Variants in COL4A4 observed in about 807,000 individuals in gnomAD.
COL4A4 encodes collagen alpha-4(IV) chain.
Under a neutral mutation model 192.9 loss-of-function variants are expected in COL4A4, and 105 were observed. That is an observed-to-expected ratio of 0.54 (90% CI 0.46 to 0.64). COL4A4 has a LOEUF of 0.64. Ranked by LOEUF, COL4A4 falls within the 30% of genes least tolerant of loss-of-function variation. COL4A4 has a pLI of 0.00. For synonymous variants in COL4A4, 762 were observed against 769.9 expected (o/e 0.99, Z 0.17); for missense variants, 1,967 against 2,169.3 (o/e 0.91, Z 1.85).
chr2:227,147,086 T>A (rs565779853), intron 2 of COL4A4, among the ~76,000 whole-genome samples: 1 of 152,208 alleles, frequency 6.6e-6, no homozygotes, highest in African/African-American at 2.4e-5. Flanking sequence ...TGTGAAGTAG[T>A]CTGTCCTAAC....
At chr2:227,019,744 T>G (rs550793985) in intron 44 of COL4A4, among the ~76,000 whole-genome samples, 9 of 152,370 alleles carry the variant, frequency 5.9e-5, no homozygotes, top group African/African-American at 2.2e-4. Flanking sequence ...CTCAGCTCAC[T>G]GCAACCTCTG....
At chr2:227,149,945 G>A (rs1400403870) in intron 1 of COL4A4, among the ~76,000 whole-genome samples, 2 of 152,162 alleles carry the variant, frequency 1.3e-5, no homozygotes, top group African/African-American at 4.8e-5. Flanking sequence ...ACCATGAAAG[G>A]ACACTGGGAG....
intron 4 of COL4A4, among the ~76,000 whole-genome samples, chr2:227,137,558 A>G (rs1172752816): frequency 2.6e-5 from 4 of 152,216 alleles, no homozygotes; most frequent in Non-Finnish European, 5.9e-5. Context: ...ATCTTGGCAC[A>G]GTTGGCATTT....
intron 7 of COL4A4, among the ~76,000 whole-genome samples, chr2:227,116,160 A>G (rs1445859247): frequency 6.6e-6 from 1 of 152,018 alleles, no homozygotes; most frequent in African/African-American, 2.4e-5. Context: ...AAACGTAACA[A>G]TGTATTGGAA....
intron 21 of COL4A4, 111 bp from the exon 22 acceptor site, chr2:227,088,927 C>G: frequency 7.8e-7 from 1 of 1,276,142 alleles, no homozygotes; most frequent in Admixed American, 1.8e-5. Flanking sequence ...GTCCGATATG[C>G]ACTTCTTGCA....
At chr2:227,094,649 A>G (rs77094277) in intron 19 of COL4A4, among the ~76,000 whole-genome samples, 9,467 of 152,252 alleles carry the variant, frequency 0.062, 448 homozygotes, top group African/African-American at 0.13. Context: ...GATAGTTAAC[A>G]ATACTATATC....
chr2:227,027,540 G>A (rs7607211), intron 42 of COL4A4, among the ~76,000 whole-genome samples: 3 of 150,082 alleles, frequency 2.0e-5, no homozygotes, highest in Non-Finnish European at 4.4e-5. Flanking sequence ...TGTAAATGAC[G>A]AGTTAATGGG....
In COL4A4 at chr2:227,093,427, A is replaced by T. The variant is rs898636856; in HGVS notation, c.1369+698T>A. ...ATCTCCCCAATTACTCCTATAAATG[A>T]TATCACTATTATAAAACCTAAGATT... On this transcript the variant is annotated intron_variant, in intron 20 of 47. Coordinates refer to ENST00000396625, the MANE Select transcript of COL4A4 (RefSeq NM_000092.5). 2.0e-5 allele frequency among the ~76,000 whole-genome samples: 3 copies of T among 152,286 alleles called. No homozygotes were observed. In the East Asian group the frequency reaches 5.8e-4, roughly 29 times the overall value.
chr2:226,970,576 G>C, the COL4A4 span, among the ~76,000 whole-genome samples: 1 of 152,172 alleles, frequency 6.6e-6, no homozygotes, highest in Non-Finnish European at 1.5e-5. Context: ...TCTCTTCTCA[G>C]GGGCTGCTCA....
intron 43 of COL4A4, among the ~76,000 whole-genome samples, chr2:227,025,091 T>C (rs1029346381): frequency 8.5e-5 from 13 of 152,078 alleles, no homozygotes; most frequent in African/African-American, 2.9e-4. Context: ...AACTGAAAAA[T>C]AAAAAGGGGG....
intron 23 of COL4A4, 46 bp downstream of exon 23, chr2:227,082,069 C>T: frequency 6.8e-7 from 1 of 1,478,086 alleles, no homozygotes; most frequent in South Asian, 1.1e-5. Flanking sequence ...AGGGTCCATA[C>T]ATCATTCATA....
chr2:226,996,513 A>G, the COL4A4 span: 6 of 152,250 alleles, frequency 3.9e-5, no homozygotes, highest in South Asian at 2.1e-4. Flanking sequence ...TTCCATGAAT[A>G]AAAGGACAAA....
the COL4A4 span, among the ~76,000 whole-genome samples, chr2:226,976,769 G>A: frequency 6.6e-6 from 1 of 152,176 alleles, no homozygotes; most frequent in African/African-American, 2.4e-5. Context: ...TGGGCCTATC[G>A]GGTAGGTGTC....
At chr2:227,047,745 A>ACACACACACG (rs1172586750) in intron 34 of COL4A4, among the ~76,000 whole-genome samples, 196 bp from the exon 35 acceptor site, 1 of 151,798 alleles carries the variant, frequency 6.6e-6, no homozygotes, top group Admixed American at 6.6e-5. Flanking sequence ...ACACACACAC[A>ACACACACACG]CACACACACA....
Position 227,124,520 on chromosome 2 carries a change from C to G in COL4A4, c.193-3372G>C, listed in dbSNP as rs147746811. Reference sequence around the variant, plus strand: ...TTCCCTTTTCTTCATGCTCATTCATCATTGTTAAATAGCTACTATTTATTG... The same window carrying G: ...TTCCCTTTTCTTCATGCTCATTCATGATTGTTAAATAGCTACTATTTATTG... On this transcript the variant is annotated intron_variant, in intron 4 of 47. Coordinates refer to ENST00000396625, the MANE Select transcript of COL4A4 (RefSeq NM_000092.5). Among the ~76,000 whole-genome samples the G allele has an allele frequency of 3.4e-3, 519 of 152,290 alleles. 2 individuals carry two copies. The highest frequency in any genetic ancestry group is 0.012 in the African/African-American group (499 of 41,534).
chr2:227,013,161 G>C (rs1964161312), intron 44 of COL4A4, among the ~76,000 whole-genome samples: 1 of 152,180 alleles, frequency 6.6e-6, no homozygotes, highest in Non-Finnish European at 1.5e-5. Context: ...TCGGTCAGGG[G>C]AGCAGACACA....
intron 25 of COL4A4, among the ~76,000 whole-genome samples, chr2:227,074,907 G>A (rs2058937356): frequency 6.6e-6 from 1 of 152,030 alleles, no homozygotes; most frequent in South Asian, 2.1e-4. Flanking sequence ...AGAAAAGGGA[G>A]GATGCCCCAA....
intron 37 of COL4A4, among the ~76,000 whole-genome samples, chr2:227,041,836 GAAAGAAAGAAAGAGA>G (rs1295710997): frequency 4.0e-5 from 2 of 50,186 alleles, no homozygotes; most frequent in African/African-American, 2.1e-4. Context: ...AAGAAAGAAA[GAAAGAAAGAAAGAGA>G]AAGAAAGAAA....
At chr2:227,046,321 T>G (rs6750845) in intron 35 of COL4A4, among the ~76,000 whole-genome samples, 78,028 of 150,870 alleles carry the variant, frequency 0.52, 20,437 homozygotes, top group South Asian at 0.63. Flanking sequence ...TATTGCCAGA[T>G]GGAATTTTAA....
Sources: allele counts gnomAD v4.1 joint callset (sites outside exome capture counted in the v4.1 genomes callset), GRCh38; gene constraint gnomAD v4.1.1; transcripts MANE v1.5; gene names NCBI Gene and HGNC (gene_info 2026-07-23, HGNC 2026-07-21).